The following RANBP2 variants were observed in gnomAD, a reference collection of about 807,000 sequenced individuals.
The protein encoded by RANBP2 is RAN binding protein 2.
RANBP2 carries 57 observed loss-of-function variants against 303.6 expected under a neutral mutation model. That is an observed-to-expected ratio of 0.19 (90% CI 0.15 to 0.23). The LOEUF (loss-of-function observed/expected upper bound fraction) is 0.23. Among genes scored for constraint, RANBP2 ranks in the 10% least tolerant of loss-of-function variants. The probability of loss-of-function intolerance (pLI) is 1.00; values close to 1 mark genes in which losing one functional copy is unlikely to be tolerated. For synonymous variants in RANBP2, 1,167 were observed against 1,301.5 expected, an observed-to-expected ratio of 0.90 and a Z score of 2.23; for missense variants, 3,138 against 3,780.8, an observed-to-expected ratio of 0.83 and a Z score of 4.46.
the RANBP2 span, among the ~76,000 whole-genome samples, chr2:109,723,027 CT>C: frequency 6.6e-6 from 1 of 152,174 alleles, no homozygotes; most frequent in Non-Finnish European, 1.5e-5. Context: ...GCTTCTAGAT[CT>C]TTGAGGAATC....
the RANBP2 span, among the ~76,000 whole-genome samples, chr2:109,462,675 C>T: frequency 2.0e-5 from 3 of 152,328 alleles, no homozygotes; most frequent in Non-Finnish European, 2.9e-5. Context: ...TGCATAACAG[C>T]CCTCTCTCCA....
the RANBP2 span, among the ~76,000 whole-genome samples, chr2:108,908,620 A>T: frequency 6.6e-6 from 1 of 152,162 alleles, no homozygotes; most frequent in African/African-American, 2.4e-5. Context: ...CACCAAGCCC[A>T]GGTTCATGCC....
chr2:109,347,545 G>A, the RANBP2 span: 1 of 1,245,532 alleles, frequency 8.0e-7, no homozygotes, highest in Admixed American at 2.8e-5. Context: ...TTTTCCACTT[G>A]CGGGGCACTC....
chr2:109,240,475 AAAAAAC>A, the RANBP2 span, among the ~76,000 whole-genome samples: 2 of 152,190 alleles, frequency 1.3e-5, no homozygotes, highest in African/African-American at 4.8e-5. Flanking sequence ...GCGACAAACA[AAAAAAC>A]AAACAAACAA....
the RANBP2 span, among the ~76,000 whole-genome samples, chr2:108,887,531 G>A: frequency 6.6e-6 from 1 of 152,058 alleles, no homozygotes; most frequent in African/African-American, 2.4e-5. Flanking sequence ...CATTTTATTT[G>A]TGTCCTCTTC....
At chr2:109,406,170 G>T in the RANBP2 span, among the ~76,000 whole-genome samples, 1 of 152,186 alleles carries the variant, frequency 6.6e-6, no homozygotes, top group African/African-American at 2.4e-5. Flanking sequence ...GGTGCTCTGG[G>T]CATAATGGAG....
At chr2:108,793,061 CA>C in the RANBP2 span, among the ~76,000 whole-genome samples, 23 of 116,272 alleles carry the variant, frequency 2.0e-4, no homozygotes, top group East Asian at 2.6e-4. Context: ...GACTCTGTCT[CA>C]AAAAAAAAAG....
At chr2:108,967,996 G>A in the RANBP2 span, among the ~76,000 whole-genome samples, 4 of 152,196 alleles carry the variant, frequency 2.6e-5, no homozygotes, top group African/African-American at 9.7e-5. Context: ...AACAGGACGC[G>A]TGGAGAGATC....
At chr2:109,222,957 C>G in the RANBP2 span, among the ~76,000 whole-genome samples, 1 of 152,220 alleles carries the variant, frequency 6.6e-6, no homozygotes, top group Non-Finnish European at 1.5e-5. Flanking sequence ...GGCTACGGTC[C>G]CCATACTCTC....
chr2:108,975,711 C>A, the RANBP2 span, among the ~76,000 whole-genome samples: 1 of 152,052 alleles, frequency 6.6e-6, no homozygotes, highest in Non-Finnish European at 1.5e-5. Flanking sequence ...CTGTGGTGGT[C>A]GGAGGAAATG....
the RANBP2 span, among the ~76,000 whole-genome samples, chr2:109,166,176 G>C: frequency 6.6e-6 from 1 of 152,110 alleles, no homozygotes; most frequent in Non-Finnish European, 1.5e-5. Flanking sequence ...TCAGTGCTCA[G>C]TGTTTCAAAG....
chr2:109,394,026 G>T, the RANBP2 span, among the ~76,000 whole-genome samples: 126 of 152,288 alleles, frequency 8.3e-4, no homozygotes, highest in African/African-American at 2.7e-3. Flanking sequence ...TCCAGGAGCT[G>T]CGGGGAGAGA....
At chr2:109,700,338 G>A in the RANBP2 span, among the ~76,000 whole-genome samples, 3 of 152,172 alleles carry the variant, frequency 2.0e-5, no homozygotes, top group Non-Finnish European at 2.9e-5. Context: ...TCCTGATGAC[G>A]TACCTAAGGT....
In RANBP2 at chr2:108,775,853, C is replaced by T. The variant is rs1677848862; in HGVS notation, c.8414C>T (p.Ser2805Leu). ...GATTCTATTACCAAATCCATTAGTT[C>T]ACCATCTGTTTCCTCTGAAACTATG... ...EPDSITKSIS[S>L]PSVSSETMDK... Residue 2805 changes from serine (S) to leucine (L), a missense_variant, in exon 24 of 29, where the codon TCA (serine) becomes TTA (leucine). Physicochemically the swap from Ser to Leu is moderately radical, Grantham distance 145 (BLOSUM62 -2). Around this residue, in one of 20 missense-constraint regions of RANBP2, gnomAD observed 497 missense variants for 465.8 expected, o/e 1.07. Transcript: ENST00000283195. The T allele has an allele frequency of 1.2e-6, 2 of 1,613,474 alleles. No individual in the cohort carries two copies. Among genetic ancestry groups the T allele is most frequent in the African/African-American group, 2.7e-5 (2 of 74,884 alleles).
At chr2:109,081,765 C>A in the RANBP2 span, among the ~76,000 whole-genome samples, 1 of 152,212 alleles carries the variant, frequency 6.6e-6, no homozygotes, top group Non-Finnish European at 1.5e-5. Flanking sequence ...AACCTGCCGC[C>A]GCCAGGGAGC....
chr2:109,443,900 C>T, the RANBP2 span, among the ~76,000 whole-genome samples: 39 of 152,290 alleles, frequency 2.6e-4, no homozygotes, highest in East Asian at 6.6e-3. Flanking sequence ...ACTTAGTTGA[C>T]GTTTGTGAAA....
At chr2:109,277,235 G>C in the RANBP2 span, among the ~76,000 whole-genome samples, 1 of 152,166 alleles carries the variant, frequency 6.6e-6, no homozygotes, top group Admixed American at 6.5e-5. Flanking sequence ...TTTCGGATGT[G>C]TCACACTTGG....
At chr2:109,078,247 GTATATATATATATATAGCGCGTATATATA>G in the RANBP2 span, among the ~76,000 whole-genome samples, 5 of 56,406 alleles carry the variant, frequency 8.9e-5, no homozygotes, top group Admixed American at 1.9e-4. Flanking sequence ...TATATAGCGT[GTATATATATATATATAGCGCGTATATATA>G]TATATATATA....
chr2:109,247,400 G>C, the RANBP2 span, among the ~76,000 whole-genome samples: 1 of 152,204 alleles, frequency 6.6e-6, no homozygotes, highest in Non-Finnish European at 1.5e-5. Context: ...ACTTGTGTAA[G>C]ACCAGCTGAG....
Sources: gnomAD v4.1 joint callset for allele counts (sites outside exome capture counted in the v4.1 genomes callset) on GRCh38, gnomAD v4.1.1 for gene constraint, gnomAD v4.1.1 regional missense constraint, MANE v1.5 for transcripts, NCBI Gene and HGNC (gene_info 2026-07-23, HGNC 2026-07-21) for gene names.